Variants in POLK observed in about 807,000 individuals in gnomAD.
The protein encoded by POLK is DNA polymerase kappa, also known as polymerase (DNA directed) kappa.
Under a neutral mutation model 94.0 loss-of-function variants are expected in POLK, and 76 were observed. The observed-to-expected ratio is 0.81, with a 90% CI of 0.67 to 0.98. The LOEUF (loss-of-function observed/expected upper bound fraction) is 0.98, where lower values mean the gene tolerates loss of function less well. POLK is among the 50% of genes least tolerant of loss of function. The pLI is 0.00. For missense variants in POLK, 954 were observed against 1,010.1 expected, an observed-to-expected ratio of 0.94 and a Z score of 0.75; for synonymous variants, 349 against 325.4, an observed-to-expected ratio of 1.07 and a Z score of -0.78.
chr5:75,587,983 T>G (rs1772561548), intron 10 of POLK, among the ~76,000 whole-genome samples: 1 of 152,160 alleles, frequency 6.6e-6, no homozygotes, highest in Admixed American at 6.5e-5. Flanking sequence ...ATTTCACATA[T>G]ATTATTTGTG....
intron 11 of POLK, 118 bp from the exon 12 acceptor site, chr5:75,593,760 T>C (rs1339283381): frequency 7.5e-6 from 4 of 529,920 alleles, no homozygotes; most frequent in Middle Eastern, 5.1e-4. Flanking sequence ...AGAGGATTGC[T>C]TGAACCCAGA....
At chr5:75,589,388 T>TACAC (rs71600465) in intron 10 of POLK, among the ~76,000 whole-genome samples, 14,141 of 128,126 alleles carry the variant, frequency 0.11, 917 homozygotes, top group Admixed American at 0.15. Flanking sequence ...TATACACACA[T>TACAC]ACACACACAC....
chr5:75,532,472 A>C (rs1044490773), intron 1 of POLK, among the ~76,000 whole-genome samples: 4 of 151,668 alleles, frequency 2.6e-5, no homozygotes, highest in African/African-American at 9.7e-5. Context: ...TTTTTTTTTA[A>C]ATCCAGTCTA....
chr5:75,569,860 G>A (rs1771497922), intron 4 of POLK, among the ~76,000 whole-genome samples: 1 of 152,144 alleles, frequency 6.6e-6, no homozygotes, highest in African/African-American at 2.4e-5. Flanking sequence ...ACTCTATTGT[G>A]AACTGCACAT....
chr5:75,561,358 G>GT (rs1561373602), intron 3 of POLK, among the ~76,000 whole-genome samples: 1 of 151,928 alleles, frequency 6.6e-6, no homozygotes, highest in Non-Finnish European at 1.5e-5. Context: ...GGGTTGTTTG[G>GT]TTTTTTCTTG....
intron 3 of POLK, among the ~76,000 whole-genome samples, chr5:75,562,316 C>G (rs1771031767): frequency 6.6e-6 from 1 of 151,920 alleles, no homozygotes; most frequent in Non-Finnish European, 1.5e-5. Flanking sequence ...CTCTGTTTGT[C>G]TATTGGTGTA....
chr5:75,520,175 A>C lies in POLK; in HGVS notation c.-14+8261A>C, dbSNP rs71628903. 4.2e-3 allele frequency among the ~76,000 whole-genome samples: 637 copies of C among 152,336 alleles called. 4 individuals are homozygous for C. Among genetic ancestry groups the C allele is most frequent in the Non-Finnish European group, 5.1e-3 (345 of 68,022 alleles). On this transcript the variant is annotated intron_variant, in intron 1 of 14. Coordinates refer to ENST00000241436, the Ensembl canonical transcript of POLK. ...CTAACAAAGAAATTTAAAAACTTCT[A>C]CACTTTAACTCTATCACCCCTAAAA...
downstream of POLK, among the ~76,000 whole-genome samples, chr5:75,603,823 G>A (rs1354092112): frequency 6.6e-6 from 1 of 152,038 alleles, no homozygotes; most frequent in Non-Finnish European, 1.5e-5. Context: ...CTCAGCTCAA[G>A]GGCCACCTTC....
At chr5:75,581,593 A>G (rs764986381) in intron 7 of POLK, 145 bp downstream of exon 7, 21 of 686,630 alleles carry the variant, frequency 3.1e-5, no homozygotes, top group Non-Finnish European at 4.4e-5. Context: ...AACTTTACCT[A>G]TTCAGAATAG....
chr5:75,576,160 G>A (rs555140283), intron 5 of POLK, among the ~76,000 whole-genome samples: 1 of 152,062 alleles, frequency 6.6e-6, no homozygotes, highest in East Asian at 1.9e-4. Flanking sequence ...CATCATTTAA[G>A]GTAATCATGG....
intron 1 of POLK, among the ~76,000 whole-genome samples, chr5:75,541,054 C>G (rs190045811): frequency 6.6e-6 from 1 of 151,984 alleles, no homozygotes; most frequent in African/African-American, 2.4e-5. Context: ...GAGACAGAGG[C>G]GGGCAGATTA....
intron 3 of POLK, among the ~76,000 whole-genome samples, chr5:75,558,815 A>G (rs1007228010): frequency 2.0e-5 from 3 of 152,208 alleles, no homozygotes; most frequent in Non-Finnish European, 4.4e-5. Context: ...TTATTGATCT[A>G]TAATCTACAA....
intron 8 of POLK, 62 bp from the exon 9 acceptor site, chr5:75,584,698 G>T: frequency 1.1e-6 from 1 of 944,666 alleles, no homozygotes; most frequent in Non-Finnish European, 1.6e-6. Context: ...TAATGAGGTT[G>T]TAATCTCAAT....
At chr5:75,599,087 A>T (rs963081264) in exon 15 of POLK, 1 of 139,006 alleles carries the variant, frequency 7.2e-6, no homozygotes, top group Non-Finnish European at 1.6e-5. Context: ...CTAAAACGAT[A>T]AAAAAAAAAA....
chr5:75,557,022 C>T (rs1016566897), intron 3 of POLK, among the ~76,000 whole-genome samples: 1 of 152,080 alleles, frequency 6.6e-6, no homozygotes, highest in African/African-American at 2.4e-5. Flanking sequence ...GTGATTGCAC[C>T]ACTGCACTCC....
At chr5:75,518,430 T>G (rs1213506979) in intron 1 of POLK, among the ~76,000 whole-genome samples, 1 of 152,226 alleles carries the variant, frequency 6.6e-6, no homozygotes, top group Non-Finnish European at 1.5e-5. Flanking sequence ...GTATAGTTGC[T>G]CATAATAGTA....
intron 4 of POLK, among the ~76,000 whole-genome samples, chr5:75,571,498 T>C (rs983705968): frequency 1.3e-5 from 2 of 152,208 alleles, no homozygotes; most frequent in Non-Finnish European, 2.9e-5. Context: ...AACCTTGCTC[T>C]ACCTGGAGTT....
intron 2 of POLK, among the ~76,000 whole-genome samples, chr5:75,547,681 AC>A (rs1770112179): frequency 6.6e-6 from 1 of 152,246 alleles, no homozygotes; most frequent in African/African-American, 2.4e-5. Context: ...AGAGATTCCT[AC>A]AATGGAATTG....
exon 2 of POLK, chr5:75,547,142 A>G: frequency 6.5e-7 from 1 of 1,543,766 alleles, no homozygotes; most frequent in South Asian, 1.2e-5. Flanking sequence ...ACAAAATTAT[A>G]ATGGAAGCCA....
Sources: gnomAD v4.1 joint callset for allele counts (sites outside exome capture counted in the v4.1 genomes callset) on GRCh38, gnomAD v4.1.1 for gene constraint, MANE v1.5 for transcripts, NCBI Gene and HGNC (gene_info 2026-07-23, HGNC 2026-07-21) for gene names.